Variants in TMEM178B observed in about 807,000 individuals in gnomAD.
TMEM178B encodes the protein transmembrane protein 178B.
Under a neutral mutation model 31.0 loss-of-function variants are expected in TMEM178B, and 5 were observed. The observed-to-expected ratio is 0.16, with a 90% CI of 0.08 to 0.34. The LOEUF (loss-of-function observed/expected upper bound fraction) is 0.34. Ranked by LOEUF, TMEM178B falls within the 10% of genes least tolerant of loss-of-function variation. The pLI, the probability that TMEM178B is intolerant of heterozygous loss-of-function variation, is 1.00. For missense variants in TMEM178B, 275 were observed against 400.3 expected (o/e 0.69, Z 2.67); for synonymous variants, 164 against 164.0 (o/e 1.00, Z 0.00).
At chr7:141,384,501 G>A (rs574615774) in intron 2 of TMEM178B, among the ~76,000 whole-genome samples, 1 of 152,274 alleles carries the variant, frequency 6.6e-6, no homozygotes, top group African/African-American at 2.4e-5. Flanking sequence ...GTTTTTGTCA[G>A]GTTTGTCAAA....
chr7:141,074,962 C>T lies in TMEM178B; in HGVS notation c.382+270C>T, dbSNP rs911111440. Among the ~76,000 whole-genome samples the T allele has an allele frequency of 6.6e-6, 1 of 152,210 alleles. No homozygotes were observed. The highest frequency in any genetic ancestry group is 2.4e-5 in the African/African-American group (1 of 41,450). ...AACCTCATGGTCCAGGGTTCTTATC[C>T]AGGATAATGCTTCATCAGCCTCTGA... On this transcript the variant is annotated intron_variant, in intron 1 of 3. Transcript: ENST00000565468. This position sits in a 1 kb window ranked among gnomAD's most constrained non-coding sequence, Gnocchi z 5.1.
intron 2 of TMEM178B, among the ~76,000 whole-genome samples, chr7:141,244,732 G>A (rs2129194168): frequency 6.6e-6 from 1 of 152,292 alleles, no homozygotes; most frequent in Middle Eastern, 3.4e-3. Context: ...TCATGGAATA[G>A]AGGTGATAGT....
intron 2 of TMEM178B, among the ~76,000 whole-genome samples, chr7:141,369,116 G>A (rs1026246243): frequency 2.0e-5 from 3 of 152,116 alleles, no homozygotes; most frequent in Non-Finnish European, 4.4e-5. Flanking sequence ...AGCCTCAACT[G>A]GGCTTCTCAA....
At chr7:141,306,012 T>G (rs1449943417) in intron 2 of TMEM178B, among the ~76,000 whole-genome samples, 1 of 152,188 alleles carries the variant, frequency 6.6e-6, no homozygotes, top group African/African-American at 2.4e-5. Flanking sequence ...CTCAAGGGCA[T>G]GGACTGTCTC....
intron 1 of TMEM178B, among the ~76,000 whole-genome samples, chr7:141,156,983 T>G (rs1457887178): frequency 6.6e-6 from 1 of 152,212 alleles, no homozygotes; most frequent in African/African-American, 2.4e-5. Flanking sequence ...CTCCCAGCTA[T>G]AGTTGGGGCT....
At chr7:141,258,161 C>CAT (rs56343433) in intron 2 of TMEM178B, among the ~76,000 whole-genome samples, 4,996 of 146,782 alleles carry the variant, frequency 0.034, 119 homozygotes, top group Admixed American at 0.085. Flanking sequence ...ATTATTATCT[C>CAT]ATATATATAT....
At chr7:141,327,173 T>A (rs948689459) in intron 2 of TMEM178B, among the ~76,000 whole-genome samples, 7 of 152,184 alleles carry the variant, frequency 4.6e-5, no homozygotes, top group African/African-American at 1.7e-4. Context: ...GACGGTGGCC[T>A]CTTTGCATGA....
chr7:141,475,067 C>T lies in TMEM178B; in HGVS notation c.*4281C>T, dbSNP rs188830050. The T allele has an allele frequency of 6.6e-6, 1 of 152,332 alleles. No individual in the cohort carries two copies. The highest frequency in any genetic ancestry group is 1.5e-5 in the Non-Finnish European group (1 of 68,058). 9.4% of individuals were successfully genotyped at this position (152,332 alleles called of 1,614,324 possible). On this transcript the variant is annotated 3_prime_UTR_variant, in exon 4 of 4. Transcript: ENST00000565468. ...CCTGTCTTCAGGGGACTTACCCATCCCAGGGGACACATCCATCCCAGGGGA... is the reference window on the plus strand; with the variant it reads ...CCTGTCTTCAGGGGACTTACCCATCTCAGGGGACACATCCATCCCAGGGGA...
At chr7:141,325,492 A>G (rs1180058935) in intron 2 of TMEM178B, among the ~76,000 whole-genome samples, 1 of 152,156 alleles carries the variant, frequency 6.6e-6, no homozygotes, top group African/African-American at 2.4e-5. Context: ...CCAGCACTTG[A>G]TGCTTGACCT....
At chr7:141,256,676 G>C (rs1238320710) in intron 2 of TMEM178B, among the ~76,000 whole-genome samples, 1 of 152,148 alleles carries the variant, frequency 6.6e-6, no homozygotes, top group African/African-American at 2.4e-5. Flanking sequence ...TCTAGGTGGA[G>C]AATTTTGTCT....
chr7:141,203,002 C>T (rs190622533), intron 1 of TMEM178B, among the ~76,000 whole-genome samples: 21 of 152,310 alleles, frequency 1.4e-4, no homozygotes, highest in South Asian at 4.1e-4. Context: ...TTTTAATCTC[C>T]AATCTTTAAG....
intron 1 of TMEM178B, among the ~76,000 whole-genome samples, chr7:141,159,654 C>T (rs557937652): frequency 3.4e-4 from 52 of 152,266 alleles, no homozygotes; most frequent in African/African-American, 1.2e-3. Context: ...CGCTACAACA[C>T]GGATGAACCT....
intron 1 of TMEM178B, among the ~76,000 whole-genome samples, chr7:141,158,233 T>A (rs906930731): frequency 6.6e-5 from 10 of 152,064 alleles, no homozygotes; most frequent in Non-Finnish European, 1.5e-4. Flanking sequence ...GTAGACAGGA[T>A]TACAGCCATG....
In TMEM178B at chr7:141,269,021, A is replaced by G. The variant is rs555837534; in HGVS notation, c.496+56317A>G. On this transcript the variant is annotated intron_variant, in intron 2 of 3. Transcript: ENST00000565468. ...GTTTTGCAAGAGTTTCAGCAGGAAAATTGTTAGGCATCCCATTTACCTTAC... is the reference window on the plus strand; with the variant it reads ...GTTTTGCAAGAGTTTCAGCAGGAAAGTTGTTAGGCATCCCATTTACCTTAC... Among the ~76,000 whole-genome samples, 9 of 151,836 alleles carry G rather than the reference A, an allele frequency of 5.9e-5. No individual in the cohort carries two copies. In the South Asian group the frequency reaches 1.9e-3, roughly 32 times the overall value.
At chr7:141,200,624 T>C (rs1586822322) in intron 1 of TMEM178B, among the ~76,000 whole-genome samples, 1 of 152,096 alleles carries the variant, frequency 6.6e-6, no homozygotes, top group Non-Finnish European at 1.5e-5. Flanking sequence ...AGTGAGAAAG[T>C]GGTGATGCCG....
At chr7:141,510,553 T>C in the TMEM178B span, among the ~76,000 whole-genome samples, 4 of 150,216 alleles carry the variant, frequency 2.7e-5, no homozygotes, top group Non-Finnish European at 5.9e-5. Flanking sequence ...AGTGTGGTGG[T>C]GCATGCCTGT....
At chr7:141,258,335 T>C (rs1797961190) in intron 2 of TMEM178B, among the ~76,000 whole-genome samples, 2 of 152,088 alleles carry the variant, frequency 1.3e-5, no homozygotes, top group African/African-American at 2.4e-5. Context: ...CAATAGCTGA[T>C]GAGTTAAAAA....
the TMEM178B span, among the ~76,000 whole-genome samples, chr7:141,491,240 C>T: frequency 6.6e-6 from 1 of 151,976 alleles, no homozygotes; most frequent in African/African-American, 2.4e-5. Context: ...CCTAGGTTTT[C>T]CAGGCTGGAC....
intron 2 of TMEM178B, among the ~76,000 whole-genome samples, chr7:141,281,595 C>T (rs1798360884): frequency 6.6e-6 from 1 of 152,134 alleles, no homozygotes; most frequent in Admixed American, 6.5e-5. Flanking sequence ...AGCAAATGCA[C>T]CCTGGTAATG....
Sources: gnomAD v4.1 joint callset for allele counts (sites outside exome capture counted in the v4.1 genomes callset) on GRCh38, gnomAD v4.1.1 for gene constraint, Gnocchi (gnomAD v3.1) non-coding constraint, MANE v1.5 for transcripts, NCBI Gene and HGNC (gene_info 2026-07-23, HGNC 2026-07-21) for gene names.